The following EIF4G3 variants were observed in gnomAD, a reference collection of about 807,000 sequenced individuals.
The protein encoded by EIF4G3 is eukaryotic translation initiation factor 4 gamma 3.
Under a neutral mutation model 186.4 loss-of-function variants are expected in EIF4G3, and 34 were observed. That is an observed-to-expected ratio of 0.18 (90% confidence interval 0.14 to 0.24). The LOEUF (loss-of-function observed/expected upper bound fraction) is 0.24. EIF4G3 is among the 10% of genes least tolerant of loss of function. The probability of loss-of-function intolerance (pLI) is 1.00; values close to 1 mark genes in which losing one functional copy is unlikely to be tolerated. For synonymous variants in EIF4G3, 673 were observed against 679.5 expected (o/e 0.99, Z 0.15); for missense variants, 1,536 against 1,948.5 (o/e 0.79, Z 3.99).
chr1:20,831,709 T>C (rs1160170428), intron 30 of EIF4G3, among the ~76,000 whole-genome samples: 1 of 150,974 alleles, frequency 6.6e-6, no homozygotes, highest in Non-Finnish European at 1.5e-5. Context: ...CTGCACCCAC[T>C]AACTCGTCAT....
At chr1:20,967,643 T>C (rs1342316614) in intron 12 of EIF4G3, among the ~76,000 whole-genome samples, 2 of 152,150 alleles carry the variant, frequency 1.3e-5, no homozygotes, top group Non-Finnish European at 2.9e-5. Flanking sequence ...AGAGAAAACA[T>C]ATCATTACAA....
intron 12 of EIF4G3, among the ~76,000 whole-genome samples, chr1:20,964,833 G>A (rs558731262): frequency 3.3e-5 from 5 of 152,294 alleles, no homozygotes; most frequent in African/African-American, 9.6e-5. Flanking sequence ...CCAGAGTCCT[G>A]TAAGTAAGTT....
At chr1:21,173,748 C>T (rs1253438424) in intron 2 of EIF4G3, among the ~76,000 whole-genome samples, 1 of 152,198 alleles carries the variant, frequency 6.6e-6, no homozygotes, top group Admixed American at 6.5e-5. Context: ...ACTATACCCA[C>T]ATACTTTGAG....
At chr1:20,846,558 GCTA>G (rs1229059489) in intron 29 of EIF4G3, among the ~76,000 whole-genome samples, 3 of 152,082 alleles carry the variant, frequency 2.0e-5, no homozygotes, top group Non-Finnish European at 4.4e-5. Flanking sequence ...TTTTTTGGTA[GCTA>G]CTGTTTATTT....
chr1:20,860,275 T>C (rs2076040349), intron 24 of EIF4G3, 110 bp downstream of exon 24: 6 of 1,449,158 alleles, frequency 4.1e-6, no homozygotes, highest in Non-Finnish European at 5.6e-6. Flanking sequence ...ATCACCACTC[T>C]ATTCTTTGGG....
intron 2 of EIF4G3, among the ~76,000 whole-genome samples, chr1:21,124,015 G>A (rs2102395962): frequency 1.3e-5 from 2 of 152,176 alleles, no homozygotes; most frequent in Middle Eastern, 6.8e-3. Context: ...TGTAGGCCAG[G>A]CATGGTGGCT....
intron 7 of EIF4G3, among the ~76,000 whole-genome samples, chr1:20,989,947 C>T (rs78244511): frequency 2.0e-5 from 3 of 152,062 alleles, no homozygotes; most frequent in Non-Finnish European, 2.9e-5. Flanking sequence ...GAGGCCGAAA[C>T]GGGCGGATCA....
chr1:20,821,871 C>CATT (rs35002410), intron 33 of EIF4G3, among the ~76,000 whole-genome samples: 77,411 of 150,770 alleles, frequency 0.51, 20,669 homozygotes, highest in East Asian at 0.83. Flanking sequence ...ATAAACCCTA[C>CATT]ATTATTATTA....
chr1:21,097,270 G>A lies in EIF4G3; in HGVS notation c.-271-8057C>T, dbSNP rs145534613. Among the ~76,000 whole-genome samples the A allele has an allele frequency of 1.9e-3, 287 of 152,254 alleles. 3 individuals are homozygous for A. The highest frequency in any genetic ancestry group is 0.014 in the South Asian group (66 of 4,826). ...ATCGAAAAAAGGTGCTGTGTGCTAA[G>A]ATGATGCAGCTAATGATCAGACTTG... On this transcript the variant is annotated intron_variant, in intron 2 of 36. Transcript: ENST00000602326.
chr1:21,171,172 G>T (rs940238251), intron 2 of EIF4G3, among the ~76,000 whole-genome samples: 5 of 152,168 alleles, frequency 3.3e-5, no homozygotes, highest in African/African-American at 4.8e-5. Flanking sequence ...TCTCATCCGT[G>T]TAAGTCTCAG....
intron 33 of EIF4G3, among the ~76,000 whole-genome samples, chr1:20,817,999 TGTCA>T (rs1489061798): frequency 6.6e-6 from 1 of 152,160 alleles, no homozygotes; most frequent in Non-Finnish European, 1.5e-5. Flanking sequence ...TTTGAAAAAC[TGTCA>T]GTCCATTATC....
intron 10 of EIF4G3, among the ~76,000 whole-genome samples, chr1:20,975,081 A>C (rs1362788691): frequency 6.6e-6 from 1 of 152,144 alleles, no homozygotes; most frequent in Non-Finnish European, 1.5e-5. Flanking sequence ...GGTTTGCTGA[A>C]TCAGATTTGG....
In EIF4G3 at chr1:20,863,767, AAG is replaced by A. The variant is rs10562823; in HGVS notation, c.3006+707_3006+708del. 1.3e-3 allele frequency among the ~76,000 whole-genome samples: 199 copies of A among 148,944 alleles called. 1 individual carries two copies. Among genetic ancestry groups the A allele is most frequent in the African/African-American group, 4.0e-3 (161 of 40,714 alleles). On this transcript the variant is annotated intron_variant, in intron 22 of 36. Coordinates refer to ENST00000602326, the MANE Select transcript of EIF4G3 (RefSeq NM_001391906.1). ...CTGACCCTGTTACTTAAAAAAAAAAAAGAGAGAGAGAGAGAGGTGGCTGTGTC... is the reference window on the plus strand; with the variant it reads ...CTGACCCTGTTACTTAAAAAAAAAAAAGAGAGAGAGAGAGGTGGCTGTGTC...
intron 2 of EIF4G3, among the ~76,000 whole-genome samples, chr1:21,139,684 T>A (rs993536559): frequency 1.3e-5 from 2 of 152,204 alleles, no homozygotes; most frequent in Non-Finnish European, 2.9e-5. Flanking sequence ...CTGCAAAATC[T>A]GATTCAGATC....
chr1:20,816,310 TCC>T, intron 34 of EIF4G3, among the ~76,000 whole-genome samples: 1 of 8,506 alleles, frequency 1.2e-4, no homozygotes, highest in Non-Finnish European at 2.5e-4. Context: ...AGCCGCCCCG[TCC>T]GGGAGGGAGG....
intron 4 of EIF4G3, among the ~76,000 whole-genome samples, chr1:21,031,384 CAAAAAAAA>C (rs35183246): frequency 8.2e-5 from 6 of 73,404 alleles, no homozygotes; most frequent in Non-Finnish European, 1.8e-4. Context: ...GGAATGATGG[CAAAAAAAA>C]AAAAAAAAAA....
chr1:21,073,176 A>G (rs990792749), intron 3 of EIF4G3, among the ~76,000 whole-genome samples: 1 of 152,172 alleles, frequency 6.6e-6, no homozygotes, highest in East Asian at 1.9e-4. Flanking sequence ...CATGATTTAA[A>G]TATTATGTCA....
chr1:20,933,833 G>A (rs567305094), intron 14 of EIF4G3, among the ~76,000 whole-genome samples: 1 of 152,272 alleles, frequency 6.6e-6, no homozygotes, highest in Non-Finnish European at 1.5e-5. Flanking sequence ...GTTTAGTATT[G>A]GATGTACTGA....
rs150778184 is a variant in EIF4G3 at position 20,955,600 on chromosome 1, A to T, written c.715-5489T>A. ...GAACTAGAGCAAGGAAACAGCAGTT[A>T]CAAGAATGCAATTTTCAAGGTTACT... On this transcript the variant is annotated intron_variant, in intron 12 of 36. Transcript: ENST00000602326. Among the ~76,000 whole-genome samples, 1,374 of 152,316 alleles carry T rather than the reference A, an allele frequency of 9.0e-3. 8 individuals are homozygous for T. The highest frequency in any genetic ancestry group is 0.017 in the Middle Eastern group (5 of 294).
Sources: gnomAD v4.1 joint callset for allele counts (sites outside exome capture counted in the v4.1 genomes callset) on GRCh38, gnomAD v4.1.1 for gene constraint, MANE v1.5 for transcripts, NCBI Gene and HGNC (gene_info 2026-07-23, HGNC 2026-07-21) for gene names.